Variants in FASTK observed in about 807,000 individuals in gnomAD.
The protein encoded by FASTK is Fas activated serine/threonine kinase.
A neutral mutation model predicts 60.0 loss-of-function variants in FASTK; 28 were observed. The observed-to-expected ratio is 0.47, with a 90% CI of 0.35 to 0.64. The LOEUF is 0.64. FASTK is among the 30% of genes least tolerant of loss of function. The pLI, the probability that FASTK is intolerant of heterozygous loss-of-function variation, is 0.01. For missense variants in FASTK, 595 were observed against 713.8 expected (o/e 0.83, Z 1.90); for synonymous variants, 325 against 307.9 (o/e 1.06, Z -0.58).
chr7:151,076,698 G>A lies in FASTK; in HGVS notation c.*27C>T, dbSNP rs541161603. 4 of 1,434,682 alleles carry A rather than the reference G, an allele frequency of 2.8e-6. No homozygotes were observed. The highest frequency in any genetic ancestry group is 2.8e-6 in the Non-Finnish European group (3 of 1,059,768). 88.9% of individuals were successfully genotyped at this position (1,434,682 alleles called of 1,614,324 possible). ...GCAAATCATCCACCCCCCATGGGGG[G>A]GCCATCCTGAACCCCACATCAACCC... On this transcript the variant is annotated 3_prime_UTR_variant, in exon 10 of 10. Transcript: ENST00000297532.
rs753371057 is a variant in FASTK at position 151,076,940 on chromosome 7, T to G, written c.1515A>C (p.Leu505=). Residue 505 remains leucine, a synonymous_variant, in exon 9 of 10, where the codon CTA becomes CTC. Coordinates refer to ENST00000297532, the MANE Select transcript of FASTK (RefSeq NM_006712.5). ...LGSRALRERH[L]GLMGYQLLPL... ...GCAGGAGCTGGTAGCCCATCAGGCC[T>G]AGGTGCCGCTCCCTCAGGGCCCTCG... is the stretch of plus-strand genomic sequence containing the variant. The G allele has an allele frequency of 2.5e-6, 4 of 1,611,132 alleles. No individual in the cohort carries two copies. Among genetic ancestry groups the G allele is most frequent in the Non-Finnish European group, 3.4e-6 (4 of 1,179,070 alleles).
intron 3 of FASTK, 24 bp from the exon 4 acceptor site, chr7:151,078,725 T>C: frequency 1.2e-6 from 2 of 1,612,260 alleles, no homozygotes; most frequent in Admixed American, 3.3e-5. Context: ...CCTGTCACGC[T>C]GGGCCTCAGC....
chr7:151,080,349 C>T (rs759585820), intron 1 of FASTK: 69 of 676,770 alleles, frequency 1.0e-4, no homozygotes, highest in Non-Finnish European at 1.4e-4. Flanking sequence ...ACCTCCCTCT[C>T]CCACAGGAGG....
intron 3 of FASTK, 22 bp downstream of exon 3, chr7:151,078,810 CACCCCCATCT>C: frequency 6.2e-7 from 1 of 1,608,032 alleles, no homozygotes; most frequent in Non-Finnish European, 8.5e-7. Context: ...CAGCCCTCCC[CACCCCCATCT>C]GATTTTAACC....
chr7:151,080,527 T>C, intron 1 of FASTK, 158 bp downstream of exon 1: 2 of 1,289,684 alleles, frequency 1.6e-6, no homozygotes, highest in Non-Finnish European at 2.0e-6. Context: ...AGGGCGCGCG[T>C]GGAGCCCGAG....
rs918464959 is a variant in FASTK at position 151,079,368 on chromosome 7, G to A, written c.505+132C>T. The A allele has an allele frequency of 4.6e-6, 4 of 874,472 alleles. No individual in the cohort carries two copies. The African/African-American group carries it at 6.8e-5, about 15-fold the overall frequency. 54.2% of individuals were successfully genotyped at this position (874,472 alleles called of 1,614,324 possible). A position where few individuals can be genotyped will look rare whatever the true frequency, so the allele number is the denominator to read the frequency against. On this transcript the variant is annotated intron_variant, in intron 2 of 9. Coordinates refer to ENST00000297532, the MANE Select transcript of FASTK (RefSeq NM_006712.5). The stretch of plus-strand genomic sequence containing the variant: ...ACTCATGATGTCTGCCGCAGACATA[G>A]GACGGGAGCAGGAGCAAGCGTTCCT...
intron 4 of FASTK, 71 bp downstream of exon 4, chr7:151,078,491 C>T (rs964736714): frequency 6.5e-7 from 1 of 1,545,410 alleles, no homozygotes; most frequent in South Asian, 1.1e-5. Context: ...AGCCGAGCTG[C>T]ACGAGGCGCT....
chr7:151,078,737 G>A lies in FASTK; in HGVS notation c.686-36C>T, dbSNP rs775021716. 60 of 1,611,262 alleles carry A rather than the reference G, an allele frequency of 3.7e-5. No individual in the cohort carries two copies. In the East Asian group the frequency reaches 7.6e-4, roughly 20 times the overall value. ...CAGCCTGTCACGCTGGGCCTCAGCC[G>A]GACCTCCGGCTGGCTCAATTCCACC... On this transcript the variant is annotated intron_variant, in intron 3 of 9. Coordinates refer to ENST00000297532, the MANE Select transcript of FASTK (RefSeq NM_006712.5).
chr7:151,079,468 C>T (rs1392913412), intron 2 of FASTK, 32 bp downstream of exon 2: 3 of 1,543,392 alleles, frequency 1.9e-6, no homozygotes, highest in East Asian at 2.3e-5. Flanking sequence ...AACACCTAGC[C>T]CCCCAGGCGC....
Position 151,078,918 on chromosome 7 carries a change from C to A in FASTK, c.609G>T (p.Gly203=), listed in dbSNP as rs747532193. 6.3e-7 allele frequency: 1 copy of A among 1,581,108 alleles called. No individual in the cohort carries two copies. The highest frequency in any genetic ancestry group is 8.6e-7 in the Non-Finnish European group (1 of 1,169,404). ...PPPLQPLLRG[G]QGLEAALSCP... ...AGCTTAGAGCAGCTTCCAACCCTTG[C>A]CCACCTCGGAGAAGGGGCTGCAAAG... Residue 203 remains glycine (G), a synonymous_variant, in exon 3 of 10, where the codon GGG becomes GGT. Coordinates refer to ENST00000297532, the MANE Select transcript of FASTK (RefSeq NM_006712.5).
chr7:151,078,395 CAGG>C (rs1339825172), intron 4 of FASTK, among the ~76,000 whole-genome samples, 164 bp downstream of exon 4: 1 of 152,162 alleles, frequency 6.6e-6, no homozygotes, highest in African/African-American at 2.4e-5. Context: ...ATGCTGCTGA[CAGG>C]AGGTGGGCAA....
At position 151,078,941 on chromosome 7, in the gene FASTK, A is replaced by C. The variant is rs1461067885; in HGVS notation, c.586T>G (p.Leu196Val). The C allele has an allele frequency of 1.9e-6, 3 of 1,571,778 alleles. No homozygotes were observed. Among genetic ancestry groups the C allele is most frequent in the Non-Finnish European group, 2.6e-6 (3 of 1,164,386 alleles). The change falls in exon 3 of 10, where the codon TTG becomes GTG. Residue 196 changes from leucine to valine, a missense_variant. By Grantham distance (32) the Leu-to-Val change is conservative. Coordinates refer to ENST00000297532, the MANE Select transcript of FASTK (RefSeq NM_006712.5). ...LRLPPKPPPP[L>V]QPLLRGGQGL... ...TGCCCACCTCGGAGAAGGGGCTGCA[A>C]AGGGGGAGGTGGCTTCGGAGGGAGG...
At position 151,079,853 on chromosome 7, in the gene FASTK, C is replaced by T; in HGVS notation, c.152G>A (p.Gly51Asp). The stretch of plus-strand genomic sequence containing the variant: ...CTGTACTGGAGGGATCAGCAGCAGG[C>T]CAGACAGCCGAGCAGGGGAGGTCTG... Reference protein sequence around the residue: ...SAQTSPARLSGLLLIPPVQPC... With the variant: ...SAQTSPARLSDLLLIPPVQPC... The change falls in exon 2 of 10, where the codon GGC (glycine) becomes GAC (aspartate). Residue 51 changes from glycine (G) to aspartate (D), a missense_variant. Around this residue, in one of 2 missense-constraint regions of FASTK, gnomAD observed 124 missense variants for 107.9 expected, o/e 1.15. Coordinates refer to ENST00000297532, the MANE Select transcript of FASTK (RefSeq NM_006712.5). The T allele has an allele frequency of 1.9e-6, 3 of 1,604,236 alleles. No individual in the cohort carries two copies. Among genetic ancestry groups the T allele is most frequent in the Non-Finnish European group, 2.6e-6 (3 of 1,175,540 alleles).
At position 151,078,841 on chromosome 7, in the gene FASTK, C is replaced by T. The variant is rs745502739; in HGVS notation, c.685+1G>A. ...CATCTGATTTTAACCCCCTCCAGCA[C>T]CTGCCAGGCTGCTGATCAGATGCTG... On this transcript the variant is annotated splice_donor_variant, in intron 3 of 9. Coordinates refer to ENST00000297532, the MANE Select transcript of FASTK (RefSeq NM_006712.5). LOFTEE classifies it high-confidence loss of function. The T allele has an allele frequency of 6.2e-7, 1 of 1,608,294 alleles. No homozygotes were observed. Among genetic ancestry groups the T allele is most frequent in the Non-Finnish European group, 8.5e-7 (1 of 1,178,196 alleles).
At chr7:151,079,398 A>C (rs1797855104) in intron 2 of FASTK, 102 bp downstream of exon 2, 1 of 1,204,014 alleles carries the variant, frequency 8.3e-7, no homozygotes, top group Non-Finnish European at 1.1e-6. Flanking sequence ...GTTCCTGGGC[A>C]AACGCCTGAG....
Position 151,076,648 on chromosome 7 carries a change from A to G in FASTK, c.*77T>C. The G allele has an allele frequency of 1.0e-6, 1 of 1,002,968 alleles. No individual in the cohort carries two copies. The highest frequency in any genetic ancestry group is 1.4e-6 in the Non-Finnish European group (1 of 693,634). 62.1% of individuals were successfully genotyped at this position (1,002,968 alleles called of 1,614,324 possible). ...GGGGAAGGAAAGGAACTTTAATGAG[A>G]AATCAAAACACAGGGAACCAAAGTG... On this transcript the variant is annotated 3_prime_UTR_variant, in exon 10 of 10. Coordinates refer to ENST00000297532, the MANE Select transcript of FASTK (RefSeq NM_006712.5).
At position 151,080,691 on chromosome 7, in the gene FASTK, C is replaced by T. The variant is rs1468070746; in HGVS notation, c.76G>A (p.Glu26Lys). 7.0e-7 allele frequency: 1 copy of T among 1,424,536 alleles called. No individual in the cohort carries two copies. 88.2% of individuals were successfully genotyped at this position (1,424,536 alleles called of 1,614,324 possible). Residue 26 changes from glutamate to lysine, a missense_variant, in exon 1 of 10, where the codon GAG (glutamate) becomes AAG (lysine). Glu to Lys is a moderately conservative substitution (Grantham distance 56). Around this residue, in one of 2 missense-constraint regions of FASTK, gnomAD observed 124 missense variants for 107.9 expected, o/e 1.15. Coordinates refer to ENST00000297532, the MANE Select transcript of FASTK (RefSeq NM_006712.5). ...CCGCAGGCGCCACCCCTACATGACT[C>T]CCCGGGCCCTGCGCAGGTCGCTCCC... ...TEGATCAGPG[E>K]SWSPSPNSML...
At chr7:151,078,131 T>C in intron 4 of FASTK, 39 bp from the exon 5 acceptor site, 1 of 1,450,026 alleles carries the variant, frequency 6.9e-7, no homozygotes, top group Non-Finnish European at 9.5e-7. Flanking sequence ...GTGTCAAGTA[T>C]TTCTGCAGTC....
rs1286512746 is a variant in FASTK, at chr7:151,077,187, G to C, written c.1341C>G (p.Thr447=). The change falls in exon 8 of 10, where the codon ACC becomes ACG. Residue 447 remains threonine (T), a synonymous_variant. Coordinates refer to ENST00000297532, the MANE Select transcript of FASTK (RefSeq NM_006712.5). ...SSSGAVLPVR[T]QDPFLPYPPR... ...GTGGGTATGGCAGGAAGGGGTCCTG[G>C]GTCCTCACGGGAAGCACAGCACCAG... 1 of 1,613,078 alleles carries C rather than the reference G, an allele frequency of 6.2e-7. No individual in the cohort carries two copies.
Sources: gnomAD v4.1 joint callset for allele counts (sites outside exome capture counted in the v4.1 genomes callset) on GRCh38, gnomAD v4.1.1 for gene constraint, gnomAD v4.1.1 regional missense constraint, MANE v1.5 for transcripts, NCBI Gene and HGNC (gene_info 2026-07-23, HGNC 2026-07-21) for gene names.